Variants in FDFT1 observed in about 807,000 individuals in gnomAD.
FDFT1 encodes the protein farnesyl-diphosphate farnesyltransferase 1.
In FDFT1, 68 loss-of-function variants were observed where a neutral mutation model predicts 46.8. That is an observed-to-expected ratio of 1.45 (90% CI 1.19 to 1.78). The LOEUF (loss-of-function observed/expected upper bound fraction) is 1.78, where lower values mean the gene tolerates loss of function less well. FDFT1 is among the 40% of genes most tolerant of loss of function. The pLI, the probability that FDFT1 is intolerant of heterozygous loss-of-function variation, is 0.00. For synonymous variants in FDFT1, 351 were observed against 185.1 expected, an observed-to-expected ratio of 1.90 and a Z score of -7.28; for missense variants, 928 against 524.4, an observed-to-expected ratio of 1.77 and a Z score of -7.52.
At chr8:11,808,701 C>G (rs13260696) in intron 1 of FDFT1, 93 bp from the exon 2 acceptor site, 39 of 1,497,694 alleles carry the variant, frequency 2.6e-5, no homozygotes, top group Non-Finnish European at 2.5e-5. Flanking sequence ...GTGGAGCCGC[C>G]TGCCCCAGTC....
chr8:11,812,314 G>A (rs1232537343), intron 3 of FDFT1, among the ~76,000 whole-genome samples: 6 of 152,220 alleles, frequency 3.9e-5, no homozygotes, highest in Non-Finnish European at 8.8e-5. Flanking sequence ...CCTCCAGGTG[G>A]GAACGTGCCA....
intron 3 of FDFT1, among the ~76,000 whole-genome samples, chr8:11,813,563 G>A (rs561646063): frequency 1.3e-5 from 2 of 152,286 alleles, no homozygotes; most frequent in African/African-American, 4.8e-5. Context: ...AATGAATCTG[G>A]AAGGTCTGGC....
intron 3 of FDFT1, among the ~76,000 whole-genome samples, chr8:11,812,480 G>A (rs984934015): frequency 2.0e-5 from 3 of 152,178 alleles, no homozygotes; most frequent in Non-Finnish European, 4.4e-5. Flanking sequence ...CAGTGGAAGG[G>A]AAGAGCCTGG....
At chr8:11,829,544 G>C (rs1021598578) in intron 5 of FDFT1, among the ~76,000 whole-genome samples, 9 of 152,192 alleles carry the variant, frequency 5.9e-5, no homozygotes, top group African/African-American at 2.2e-4. Context: ...TCTTGAGAAG[G>C]TTTACTGTTT....
intron 7 of FDFT1, among the ~76,000 whole-genome samples, chr8:11,835,532 C>T (rs745733373): frequency 2.6e-5 from 4 of 152,156 alleles, no homozygotes; most frequent in Non-Finnish European, 5.9e-5. Flanking sequence ...CCTGGAAGGG[C>T]ATATTGAAGT....
chr8:11,796,017 A>T (rs1030858791), intron 1 of FDFT1: 3 of 152,232 alleles, frequency 2.0e-5, no homozygotes, highest in Non-Finnish European at 4.4e-5. Context: ...CTAAGGTGAA[A>T]GATTGGTTTA....
At position 11,839,111 on chromosome 8, in the gene FDFT1, A is replaced by G. The variant is rs973698712; in HGVS notation, c.*502A>G. ...TTTAGGTAACAGTTAGATGTTTCCT[A>G]AGAATGCAAACTGCCTTTTCCACAC... On this transcript the variant is annotated 3_prime_UTR_variant, in exon 8 of 8. Coordinates refer to ENST00000220584, the MANE Select transcript of FDFT1 (RefSeq NM_004462.5). 1 of 156,128 alleles carries G rather than the reference A, an allele frequency of 6.4e-6. No homozygotes were observed. The highest frequency in any genetic ancestry group is 2.4e-5 in the African/African-American group (1 of 41,464). 9.7% of individuals were successfully genotyped at this position (156,128 alleles called of 1,614,324 possible).
chr8:11,808,467 C>T (rs1357008958), intron 1 of FDFT1: 1 of 1,286,988 alleles, frequency 7.8e-7, no homozygotes, highest in Non-Finnish European at 9.8e-7. Flanking sequence ...GGGCGCTTCC[C>T]AGATCTGCTT....
intron 7 of FDFT1, 63 bp from the exon 8 acceptor site, chr8:11,838,325 G>GT (rs1222518846): frequency 1.1e-5 from 14 of 1,296,384 alleles, no homozygotes; most frequent in Non-Finnish European, 1.6e-5. Context: ...GAGGGTTGTT[G>GT]TAAGTAGCCA....
chr8:11,809,240 T>G (rs559616917), intron 2 of FDFT1: 1 of 1,151,088 alleles, frequency 8.7e-7, no homozygotes. Flanking sequence ...GTTGATTCTT[T>G]TGAAGCTGCC....
rs147572826 is a variant in FDFT1, at chr8:11,806,160, G to A, written c.100-2634G>A. The stretch of plus-strand genomic sequence containing the variant: ...CCCTTCCTGGGAGTCTGGTCTTGTC[G>A]TCTTCCTGACCACCCCCACACCCTT... On this transcript the variant is annotated intron_variant, in intron 1 of 7. Coordinates refer to ENST00000220584, the MANE Select transcript of FDFT1 (RefSeq NM_004462.5). Among the ~76,000 whole-genome samples, 252 of 152,138 alleles carry A rather than the reference G, an allele frequency of 1.7e-3. 3 individuals are homozygous for A. Among genetic ancestry groups the A allele is most frequent in the African/African-American group, 5.8e-3 (239 of 41,496 alleles).
chr8:11,819,579 T>C (rs1808938633), intron 3 of FDFT1, among the ~76,000 whole-genome samples: 1 of 152,182 alleles, frequency 6.6e-6, no homozygotes, highest in African/African-American at 2.4e-5. Flanking sequence ...GTCTTCTTGC[T>C]TTATTTCATT....
intron 7 of FDFT1, 78 bp downstream of exon 7, chr8:11,831,748 G>C (rs1810836139): frequency 8.7e-7 from 1 of 1,145,038 alleles, no homozygotes; most frequent in Non-Finnish European, 1.3e-6. Flanking sequence ...ACCAGGTTTG[G>C]ATATTAGATG....
At chr8:11,837,264 T>C (rs980066219) in intron 7 of FDFT1, among the ~76,000 whole-genome samples, 4 of 152,248 alleles carry the variant, frequency 2.6e-5, no homozygotes, top group Non-Finnish European at 5.9e-5. Context: ...AGGGTCTTGT[T>C]CTGTCATCCA....
intron 7 of FDFT1, among the ~76,000 whole-genome samples, chr8:11,833,640 G>A (rs1365975285): frequency 1.3e-5 from 2 of 152,184 alleles, no homozygotes; most frequent in Non-Finnish European, 2.9e-5. Context: ...ACAGTTGGCT[G>A]AGCCCTGTTT....
upstream of FDFT1, chr8:11,801,659 T>G: frequency 3.5e-6 from 1 of 289,652 alleles, no homozygotes. Context: ...GTTGCTGTGT[T>G]AAAACAGACT....
chr8:11,814,090 C>T (rs1340680161), intron 3 of FDFT1, among the ~76,000 whole-genome samples: 2 of 152,176 alleles, frequency 1.3e-5, no homozygotes, highest in Non-Finnish European at 2.9e-5. Context: ...CCTCATTGAC[C>T]TTTCCTCTCT....
At chr8:11,827,192 G>A (rs1321858511) in intron 5 of FDFT1, among the ~76,000 whole-genome samples, 3 of 152,042 alleles carry the variant, frequency 2.0e-5, no homozygotes, top group Non-Finnish European at 2.9e-5. Context: ...AAAGACGGGT[G>A]AGGCTAAGTG....
intron 3 of FDFT1, among the ~76,000 whole-genome samples, chr8:11,818,411 A>G (rs1257784156): frequency 1.3e-5 from 2 of 152,170 alleles, no homozygotes; most frequent in Non-Finnish European, 2.9e-5. Context: ...AGTCCTGGAT[A>G]TCCTTGTTAA....
Sources: gnomAD v4.1 joint callset for allele counts (sites outside exome capture counted in the v4.1 genomes callset) on GRCh38, gnomAD v4.1.1 for gene constraint, MANE v1.5 for transcripts, NCBI Gene and HGNC (gene_info 2026-07-23, HGNC 2026-07-21) for gene names.